The following SPAG16 variants were observed in gnomAD, a reference collection of about 807,000 sequenced individuals.
The protein encoded by SPAG16 is sperm associated antigen 16.
A neutral mutation model predicts 80.4 loss-of-function variants in SPAG16; 86 were observed. The observed-to-expected ratio is 1.07, with a 90% CI of 0.90 to 1.28. SPAG16 has a LOEUF of 1.28. SPAG16 is among the 50% of genes most tolerant of loss of function. The pLI is 0.00. For missense variants in SPAG16, 870 were observed against 765.3 expected (o/e 1.14, Z -1.61); for synonymous variants, 294 against 265.9 (o/e 1.11, Z -1.03).
intron 9 of SPAG16, among the ~76,000 whole-genome samples, chr2:213,476,166 A>T (rs2073368592): frequency 6.6e-6 from 1 of 152,236 alleles, no homozygotes; most frequent in Non-Finnish European, 1.5e-5. Flanking sequence ...AAACACTTGT[A>T]ACATTGTATA....
At chr2:213,292,680 AAAAAC>A (rs1327559435) in intron 1 of SPAG16, among the ~76,000 whole-genome samples, 10 of 131,146 alleles carry the variant, frequency 7.6e-5, no homozygotes, top group African/African-American at 2.9e-4. Context: ...AAAAAACAAA[AAAAAC>A]AAAAAAAAAC....
intron 15 of SPAG16, among the ~76,000 whole-genome samples, chr2:214,252,490 C>T (rs1372944114): frequency 2.0e-5 from 3 of 151,740 alleles, no homozygotes; most frequent in Non-Finnish European, 4.4e-5. Context: ...GTTCCCCTCC[C>T]TGTGTCCATG....
intron 9 of SPAG16, among the ~76,000 whole-genome samples, chr2:213,401,281 C>A (rs1475648302): frequency 1.3e-5 from 2 of 152,182 alleles, no homozygotes; most frequent in African/African-American, 4.8e-5. Flanking sequence ...AATATATGTT[C>A]TTCAGAAACA....
At chr2:213,377,231 T>G (rs188177904) in intron 9 of SPAG16, among the ~76,000 whole-genome samples, 91 of 152,352 alleles carry the variant, frequency 6.0e-4, no homozygotes, top group African/African-American at 2.1e-3. Context: ...GGTCTGATTC[T>G]TGTTATTTTG....
rs187879170 is a variant in SPAG16, at chr2:213,300,721, T to C, written c.279+3364T>C. ...CTGTGTAGAAGTTTTGCTATAGTTA[T>C]TTTAAAGTAAATAAATGAATATTTT... On this transcript the variant is annotated intron_variant, in intron 3 of 15. Coordinates refer to ENST00000331683, the MANE Select transcript of SPAG16 (RefSeq NM_024532.5). 2.2e-4 allele frequency among the ~76,000 whole-genome samples: 34 copies of C among 152,262 alleles called. No homozygotes were observed. In the East Asian group the frequency reaches 6.6e-3, roughly 29 times the overall value.
chr2:213,422,517 C>T (rs534805120), intron 9 of SPAG16: 83 of 496,236 alleles, frequency 1.7e-4, no homozygotes, highest in African/African-American at 1.5e-3. Flanking sequence ...TGAGCACAGC[C>T]TACCAGGCCG....
chr2:213,327,090 T>C (rs190355362), intron 5 of SPAG16, among the ~76,000 whole-genome samples: 59 of 151,834 alleles, frequency 3.9e-4, no homozygotes, highest in Admixed American at 8.5e-4. Context: ...CTTTATGATG[T>C]ACACATTTAA....
chr2:214,264,709 T>C (rs1213982962), intron 15 of SPAG16, among the ~76,000 whole-genome samples: 1 of 152,146 alleles, frequency 6.6e-6, no homozygotes, highest in Non-Finnish European at 1.5e-5. Context: ...ACATCATGCA[T>C]CCATCATTAT....
chr2:214,136,529 A>T (rs13430858), intron 14 of SPAG16, among the ~76,000 whole-genome samples: 5 of 152,130 alleles, frequency 3.3e-5, no homozygotes, highest in Non-Finnish European at 5.9e-5. Context: ...TTTCCAGCTC[A>T]TATCCATGGA....
chr2:213,995,276 A>G (rs558458427), intron 12 of SPAG16, among the ~76,000 whole-genome samples: 5 of 152,246 alleles, frequency 3.3e-5, no homozygotes, highest in African/African-American at 1.2e-4. Context: ...TCCATGGAGG[A>G]GGAGCCCAGG....
chr2:214,302,426 T>C (rs1694619311), intron 15 of SPAG16, among the ~76,000 whole-genome samples: 1 of 152,148 alleles, frequency 6.6e-6, no homozygotes, highest in African/African-American at 2.4e-5. Flanking sequence ...TATTATTGTA[T>C]TGCTGCCAGT....
intron 15 of SPAG16, among the ~76,000 whole-genome samples, chr2:214,279,782 T>C (rs914736365): frequency 5.3e-5 from 8 of 152,156 alleles, no homozygotes; most frequent in African/African-American, 1.9e-4. Context: ...ATAAAATAAG[T>C]CTTAGTGAAT....
intron 10 of SPAG16, among the ~76,000 whole-genome samples, chr2:213,532,934 T>C (rs1360822626): frequency 3.3e-5 from 5 of 152,324 alleles, no homozygotes; most frequent in African/African-American, 9.6e-5. Flanking sequence ...CAATATTAAA[T>C]ACTTTATATA....
chr2:213,751,942 T>C (rs76945789), intron 10 of SPAG16, among the ~76,000 whole-genome samples: 5,756 of 152,030 alleles, frequency 0.038, 349 homozygotes, highest in African/African-American at 0.13. Context: ...CAAAACCAAA[T>C]TGGAAACAAT....
At chr2:214,246,629 T>C (rs1428137743) in intron 15 of SPAG16, among the ~76,000 whole-genome samples, 1 of 152,056 alleles carries the variant, frequency 6.6e-6, no homozygotes, top group East Asian at 1.9e-4. Flanking sequence ...AGTCCTCAGC[T>C]TCCCCAGCCA....
chr2:213,598,032 C>A (rs1407037392), intron 10 of SPAG16, among the ~76,000 whole-genome samples: 2 of 152,144 alleles, frequency 1.3e-5, no homozygotes, highest in Non-Finnish European at 2.9e-5. Context: ...AAAAAGACCA[C>A]CTTTGCTAGC....
chr2:213,310,365 C>T (rs2063136911), intron 4 of SPAG16, among the ~76,000 whole-genome samples, 188 bp downstream of exon 4: 1 of 85,444 alleles, frequency 1.2e-5, no homozygotes, highest in Non-Finnish European at 2.5e-5. Flanking sequence ...CACACACACA[C>T]ACACACACAA....
At chr2:213,484,848 A>C (rs1185529229) in intron 9 of SPAG16, among the ~76,000 whole-genome samples, 1 of 152,194 alleles carries the variant, frequency 6.6e-6, no homozygotes, top group Non-Finnish European at 1.5e-5. Flanking sequence ...TTCTGAGTCC[A>C]TGGACTATCT....
intron 10 of SPAG16, among the ~76,000 whole-genome samples, chr2:213,506,304 T>C (rs181687101): frequency 2.0e-5 from 3 of 152,296 alleles, no homozygotes; most frequent in Non-Finnish European, 4.4e-5. Flanking sequence ...TTTATTTTCT[T>C]CTACTAGAGT....
Sources: gnomAD v4.1 joint callset for allele counts (sites outside exome capture counted in the v4.1 genomes callset) on GRCh38, gnomAD v4.1.1 for gene constraint, MANE v1.5 for transcripts, NCBI Gene and HGNC (gene_info 2026-07-23, HGNC 2026-07-21) for gene names.